The following FOCAD variants were observed in gnomAD, a reference collection of about 807,000 sequenced individuals.
FOCAD encodes the protein KIAA1797.
A neutral mutation model predicts 225.6 loss-of-function variants in FOCAD; 198 were observed. The ratio of observed to expected loss-of-function variants is 0.88; its 90% CI spans 0.78 to 0.99. FOCAD has a LOEUF of 0.99. Ranked by LOEUF, FOCAD falls within the 50% of genes least tolerant of loss-of-function variation. The probability of loss-of-function intolerance (pLI) is 0.00; values close to 1 mark genes in which losing one functional copy is unlikely to be tolerated. For synonymous variants in FOCAD, 897 were observed against 755.0 expected (o/e 1.19, Z -3.08); for missense variants, 2,713 against 2,123.6 (o/e 1.28, Z -5.46).
At chr9:20,931,813 G>A (rs1428042862) in intron 27 of FOCAD, among the ~76,000 whole-genome samples, 2 of 150,598 alleles carry the variant, frequency 1.3e-5, no homozygotes, top group African/African-American at 2.4e-5. Context: ...CTTGAGAATT[G>A]CTTGAGCCCA....
intron 10 of FOCAD, 110 bp from the exon 11 acceptor site, chr9:20,789,241 T>A: frequency 1.6e-6 from 2 of 1,217,808 alleles, no homozygotes; most frequent in Non-Finnish European, 2.3e-6. Context: ...TTGTATTCAT[T>A]TTGTTGGAAG....
chr9:20,744,644 G>A (rs1246268762), intron 5 of FOCAD, among the ~76,000 whole-genome samples: 1 of 152,214 alleles, frequency 6.6e-6, no homozygotes, highest in Admixed American at 6.5e-5. Flanking sequence ...CAGAATGACT[G>A]AAGGGTTGGT....
intron 2 of FOCAD, among the ~76,000 whole-genome samples, chr9:20,672,284 T>A (rs1822086884): frequency 6.6e-6 from 1 of 152,242 alleles, no homozygotes; most frequent in South Asian, 2.1e-4. Flanking sequence ...AAGTATGGTA[T>A]AATTTTTATA....
At chr9:20,902,881 A>G (rs1376787522) in intron 21 of FOCAD, among the ~76,000 whole-genome samples, 1 of 151,922 alleles carries the variant, frequency 6.6e-6, no homozygotes, top group Non-Finnish European at 1.5e-5. Flanking sequence ...GATGATGACA[A>G]AGAAGTGTGC....
chr9:20,732,526 GT>G (rs1826798690), intron 4 of FOCAD, among the ~76,000 whole-genome samples: 1 of 152,214 alleles, frequency 6.6e-6, no homozygotes, highest in African/African-American at 2.4e-5. Context: ...GATTCAGACA[GT>G]GCAGCGCATG....
chr9:20,854,325 CAAT>C (rs1167043192), intron 15 of FOCAD, among the ~76,000 whole-genome samples: 1 of 151,620 alleles, frequency 6.6e-6, no homozygotes, highest in Non-Finnish European at 1.5e-5. Flanking sequence ...GTTATAACAA[CAAT>C]AACTATATTT....
intron 6 of FOCAD, among the ~76,000 whole-genome samples, chr9:20,761,410 C>T (rs1829582317): frequency 6.6e-6 from 1 of 151,728 alleles, no homozygotes; most frequent in Admixed American, 6.6e-5. Flanking sequence ...GGCCTAAAGC[C>T]TCCGTTATTT....
At chr9:20,904,065 G>T (rs1234798003) in intron 21 of FOCAD, among the ~76,000 whole-genome samples, 1 of 151,820 alleles carries the variant, frequency 6.6e-6, no homozygotes, top group Admixed American at 6.6e-5. Flanking sequence ...TGTTTTCAAG[G>T]TTCAGCCATA....
chr9:20,799,975 G>T (rs1205972263), intron 11 of FOCAD, among the ~76,000 whole-genome samples: 2 of 152,226 alleles, frequency 1.3e-5, no homozygotes, highest in Non-Finnish European at 2.9e-5. Flanking sequence ...TGTTTTTGCA[G>T]TGGCTGGTAC....
In FOCAD at chr9:20,919,476, T is replaced by C. The variant is rs1228154323; in HGVS notation, c.2852+2539T>C. On this transcript the variant is annotated intron_variant, in intron 24 of 43. Transcript: ENST00000338382. ...TTGGAAAAAACTACTTTAAAGTTCA[T>C]ATGGAACCAAAAAGCCCACATCACC... 2.6e-5 allele frequency among the ~76,000 whole-genome samples: 4 copies of C among 152,130 alleles called. No homozygotes were observed. The East Asian group carries it at 7.7e-4, about 29-fold the overall frequency.
chr9:20,782,009 T>G (rs1819429448), intron 10 of FOCAD, 80 bp downstream of exon 10: 1 of 1,211,004 alleles, frequency 8.3e-7, no homozygotes, highest in Non-Finnish European at 1.2e-6. Context: ...TGCCTCCTGA[T>G]GAAGCATCTG....
chr9:20,904,517 C>A (rs2132001568), intron 21 of FOCAD, among the ~76,000 whole-genome samples: 1 of 152,068 alleles, frequency 6.6e-6, no homozygotes, highest in Non-Finnish European at 1.5e-5. Context: ...GCATTCTTCC[C>A]TCCCATGTAT....
At chr9:20,731,969 T>A (rs1025170126) in intron 4 of FOCAD, among the ~76,000 whole-genome samples, 1 of 152,166 alleles carries the variant, frequency 6.6e-6, no homozygotes, top group African/African-American at 2.4e-5. Context: ...TTTTTAAAGT[T>A]CTGGGATACA....
At chr9:20,686,206 G>C (rs1312495842) in intron 1 of FOCAD, among the ~76,000 whole-genome samples, 1 of 152,200 alleles carries the variant, frequency 6.6e-6, no homozygotes, top group Admixed American at 6.5e-5. Flanking sequence ...GCCCAGGCTG[G>C]AGTGCAGTGC....
At chr9:20,776,202 T>A (rs960313543) in intron 8 of FOCAD, among the ~76,000 whole-genome samples, 2 of 152,230 alleles carry the variant, frequency 1.3e-5, no homozygotes, top group African/African-American at 4.8e-5. Context: ...AAAGCATTTA[T>A]CTATGGGGTA....
intron 15 of FOCAD, among the ~76,000 whole-genome samples, chr9:20,846,758 G>A (rs373000352): frequency 3.3e-5 from 5 of 152,224 alleles, no homozygotes; most frequent in South Asian, 4.1e-4. Flanking sequence ...CCAATGTCCA[G>A]TTCATCACTG....
At chr9:20,947,450 A>C (rs1837288014) in intron 30 of FOCAD, among the ~76,000 whole-genome samples, 1 of 152,192 alleles carries the variant, frequency 6.6e-6, no homozygotes, top group Admixed American at 6.5e-5. Flanking sequence ...AGTAGTCAAA[A>C]GCATAGAGAC....
At position 20,866,888 on chromosome 9, in the gene FOCAD, CTTTTTTTTTTTTTTTTTTTTT is replaced by C; in HGVS notation, c.2107-32_2107-12del. 1 of 341,496 alleles carries C rather than the reference CTTTTTTTTTTTTTTTTTTTTT, an allele frequency of 2.9e-6. No homozygotes were observed. Among genetic ancestry groups the C allele is most frequent in the South Asian group, 3.7e-5 (1 of 26,890 alleles). 21.2% of individuals were successfully genotyped at this position (341,496 alleles called of 1,614,324 possible). On this transcript the variant is annotated intron_variant, in intron 17 of 43. Transcript: ENST00000338382. The stretch of plus-strand genomic sequence containing the variant: ...CATGTTGTGTTTTTTTGTTTGCTTG[CTTTTTTTTTTTTTTTTTTTTT>C]TTTTTTTTACCCTATCTAGGACCCA...
rs184577368 is a variant in FOCAD at position 20,841,564 on chromosome 9, C to T, written c.1920+18449C>T. Among the ~76,000 whole-genome samples, 12 of 151,794 alleles carry T rather than the reference C, an allele frequency of 7.9e-5. 1 individual carries two copies. The highest frequency in any genetic ancestry group is 7.9e-4 in the Admixed American group (12 of 15,238). On this transcript the variant is annotated intron_variant, in intron 15 of 43. Coordinates refer to ENST00000338382, the MANE Select transcript of FOCAD (RefSeq NM_001375567.1). ...TTGTCATATAGTTGCTCATTGGTAGCCTCTACTGATACTTTGAATTTCTGC... is the reference window on the plus strand; with the variant it reads ...TTGTCATATAGTTGCTCATTGGTAGTCTCTACTGATACTTTGAATTTCTGC...
Sources: allele counts gnomAD v4.1 joint callset (sites outside exome capture counted in the v4.1 genomes callset), GRCh38; gene constraint gnomAD v4.1.1; transcripts MANE v1.5; gene names NCBI Gene and HGNC (gene_info 2026-07-23, HGNC 2026-07-21).